Variants in CTNNA2 observed in about 807,000 individuals in gnomAD.
The protein encoded by CTNNA2 is catenin alpha 2.
Under a neutral mutation model 101.0 loss-of-function variants are expected in CTNNA2, and 42 were observed. The observed-to-expected ratio is 0.42, with a 90% confidence interval of 0.32 to 0.54. The LOEUF is 0.54. Among genes scored for constraint, CTNNA2 ranks in the 20% least tolerant of loss-of-function variants. The pLI is 0.14. For synonymous variants in CTNNA2, 450 were observed against 456.4 expected (o/e 0.99, Z 0.18); for missense variants, 871 against 1,223.1 (o/e 0.71, Z 4.29).
Position 80,303,792 on chromosome 2 carries a change from G to T in CTNNA2, c.1057-89419G>T. 1 of 1,522,628 alleles carries T rather than the reference G, an allele frequency of 6.6e-7. No individual in the cohort carries two copies. The highest frequency in any genetic ancestry group is 8.8e-7 in the Non-Finnish European group (1 of 1,136,264). The allele number at this position is 1,522,628 out of a possible 1,614,324, so 94.3% of individuals were successfully genotyped here. A position where few individuals can be genotyped will look rare whatever the true frequency, so the allele number is the denominator to read the frequency against. ...GAGGGCCTCCTCAGCAGCCAGTATA[G>T]ACAGAGACCGAGCAGCAGGAAATCC... On this transcript the variant is annotated intron_variant, in intron 7 of 18. Transcript: ENST00000402739. This position sits in a 1 kb window ranked among gnomAD's most constrained non-coding sequence, Gnocchi z 7.7.
chr2:79,289,544 G>A (rs1267618216), intron 2 of CTNNA2, among the ~76,000 whole-genome samples: 5 of 151,796 alleles, frequency 3.3e-5, no homozygotes, highest in Admixed American at 6.6e-5. Flanking sequence ...GGTGTTGGTC[G>A]AGACCAGCCT....
intron 3 of CTNNA2, among the ~76,000 whole-genome samples, chr2:79,854,132 T>TA (rs1055665642): frequency 1.7e-4 from 26 of 151,368 alleles, no homozygotes; most frequent in Admixed American, 3.9e-4. Flanking sequence ...CATTTTTTTT[T>TA]TATATATATT....
intron 7 of CTNNA2, among the ~76,000 whole-genome samples, chr2:79,943,457 T>TA (rs757019070): frequency 1.8e-4 from 27 of 152,152 alleles, no homozygotes; most frequent in Non-Finnish European, 3.5e-4. Flanking sequence ...GTATCATCAG[T>TA]ATCTAGGTTC....
At chr2:80,356,071 G>C (rs1041309152) in intron 7 of CTNNA2, among the ~76,000 whole-genome samples, 2 of 151,870 alleles carry the variant, frequency 1.3e-5, no homozygotes, top group African/African-American at 4.8e-5. Context: ...GCCCTTTTTG[G>C]CTTTTGTTTC....
chr2:80,334,447 G>A (rs1262494297), intron 7 of CTNNA2, among the ~76,000 whole-genome samples: 1 of 152,154 alleles, frequency 6.6e-6, no homozygotes, highest in African/African-American at 2.4e-5. Context: ...TTTCTGTAGG[G>A]TGAATATGTA....
intron 7 of CTNNA2, among the ~76,000 whole-genome samples, chr2:80,317,604 G>A (rs1009010898): frequency 6.6e-6 from 1 of 152,118 alleles, no homozygotes; most frequent in African/African-American, 2.4e-5. Context: ...GGCAGGATGG[G>A]GCAATTCAAA....
At position 80,531,720 on chromosome 2, in the gene CTNNA2, A is replaced by G. The variant is rs1241641657; in HGVS notation, c.1291-13262A>G. 3.3e-5 allele frequency among the ~76,000 whole-genome samples: 5 copies of G among 152,174 alleles called. 1 individual carries two copies. The highest frequency in any genetic ancestry group is 6.5e-5 in the Admixed American group (1 of 15,284). Reference sequence around the variant, plus strand: ...TGCTTTAAGGAGACCTGGGAGGGGCACATATTTTTATTCTTTAAGAACCTG... The same window carrying G: ...TGCTTTAAGGAGACCTGGGAGGGGCGCATATTTTTATTCTTTAAGAACCTG... On this transcript the variant is annotated intron_variant, in intron 9 of 18. Transcript: ENST00000402739.
intron 7 of CTNNA2, among the ~76,000 whole-genome samples, chr2:80,210,320 C>T (rs1307641186): frequency 1.3e-5 from 2 of 152,118 alleles, no homozygotes; most frequent in Non-Finnish European, 2.9e-5. Context: ...CCCATTAACT[C>T]GTCATTTATA....
At chr2:80,075,622 A>ATAAAAAT (rs1344471698) in intron 7 of CTNNA2, among the ~76,000 whole-genome samples, 11 of 55,644 alleles carry the variant, frequency 2.0e-4, no homozygotes, top group African/African-American at 6.6e-4. Flanking sequence ...GTATAAATAT[A>ATAAAAAT]AATATTTATA....
At chr2:79,322,781 C>T (rs1676654519) in intron 3 of CTNNA2, among the ~76,000 whole-genome samples, 1 of 152,162 alleles carries the variant, frequency 6.6e-6, no homozygotes, top group African/African-American at 2.4e-5. Flanking sequence ...AGGTTCAGGA[C>T]TTACTCAGGG....
chr2:79,622,917 A>G (rs1679085981), intron 1 of CTNNA2, among the ~76,000 whole-genome samples: 1 of 152,192 alleles, frequency 6.6e-6, no homozygotes, highest in Non-Finnish European at 1.5e-5. Context: ...ACTAATTTTT[A>G]AGGAAGCATT....
intron 4 of CTNNA2, among the ~76,000 whole-genome samples, chr2:79,407,442 G>GT (rs141280176): frequency 5.9e-5 from 9 of 151,436 alleles, no homozygotes; most frequent in Non-Finnish European, 8.8e-5. Flanking sequence ...TTATTTTCTG[G>GT]TTTTTTTTCT....
At chr2:79,671,159 ATGT>A (rs1682809621) in intron 2 of CTNNA2, among the ~76,000 whole-genome samples, 2 of 152,160 alleles carry the variant, frequency 1.3e-5, no homozygotes, top group Non-Finnish European at 2.9e-5. Context: ...TGGGGAAAGG[ATGT>A]TGTTGCCTGG....
At chr2:79,537,080 TCTC>T (rs1171780148) in intron 1 of CTNNA2, among the ~76,000 whole-genome samples, 1 of 152,156 alleles carries the variant, frequency 6.6e-6, no homozygotes, top group East Asian at 1.9e-4. Context: ...TTGCCTGTTC[TCTC>T]CTCAGTGTCT....
rs572241600 is a variant in CTNNA2 at position 80,579,099 on chromosome 2, T to A, written c.1894-2607T>A. On this transcript the variant is annotated intron_variant, in intron 13 of 18. Coordinates refer to ENST00000402739, the MANE Select transcript of CTNNA2 (RefSeq NM_001282597.3). Reference sequence around the variant, plus strand: ...ACAGAAGTAGTGAAACTAAGTGACTTGCCAAAGACATATAGCTTGTGAATG... The same window carrying A: ...ACAGAAGTAGTGAAACTAAGTGACTAGCCAAAGACATATAGCTTGTGAATG... The A allele has an allele frequency of 3.3e-5, 5 of 152,300 alleles. No homozygotes were observed. The East Asian group carries it at 9.7e-4, about 29-fold the overall frequency. The allele number at this position is 152,300 out of a possible 1,614,324, so 9.4% of individuals were successfully genotyped here. A position where few individuals can be genotyped will look rare whatever the true frequency, so the allele number is the denominator to read the frequency against.
intron 7 of CTNNA2, among the ~76,000 whole-genome samples, chr2:80,250,677 T>C (rs542721463): frequency 2.0e-4 from 30 of 152,258 alleles, no homozygotes; most frequent in African/African-American, 7.0e-4. Flanking sequence ...ATAATGAGCA[T>C]GCAGGACACA....
intron 9 of CTNNA2, among the ~76,000 whole-genome samples, chr2:80,441,617 G>T (rs1682583461): frequency 6.6e-6 from 1 of 152,138 alleles, no homozygotes; most frequent in African/African-American, 2.4e-5. Context: ...CGTGACTTCT[G>T]TTTTGCAACT....
intron 7 of CTNNA2, among the ~76,000 whole-genome samples, chr2:80,077,778 C>G (rs550009284): frequency 6.6e-6 from 1 of 152,222 alleles, no homozygotes; most frequent in Non-Finnish European, 1.5e-5. Flanking sequence ...TAGATTAGTA[C>G]TCACTGGCAG....
At chr2:79,366,653 C>T (rs1249949160) in intron 3 of CTNNA2, among the ~76,000 whole-genome samples, 1 of 152,084 alleles carries the variant, frequency 6.6e-6, no homozygotes, top group Non-Finnish European at 1.5e-5. Context: ...ATTCTAATAT[C>T]ATAAGAGAGT....
Sources: allele counts gnomAD v4.1 joint callset (sites outside exome capture counted in the v4.1 genomes callset), GRCh38; gene constraint gnomAD v4.1.1; non-coding constraint Gnocchi (gnomAD v3.1); transcripts MANE v1.5; gene names NCBI Gene and HGNC (gene_info 2026-07-23, HGNC 2026-07-21).